PPP3R1: variants seen among roughly 807,000 people sequenced by gnomAD.
PPP3R1 encodes the protein protein phosphatase 3 regulatory subunit B, alpha.
Under a neutral mutation model 22.6 loss-of-function variants are expected in PPP3R1, and 5 were observed. The ratio of observed to expected loss-of-function variants is 0.22; its 90% CI spans 0.12 to 0.46. The LOEUF (loss-of-function observed/expected upper bound fraction) is 0.46, where lower values mean the gene tolerates loss of function less well. PPP3R1 is among the 20% of genes least tolerant of loss of function. The probability of loss-of-function intolerance (pLI) is 0.99; values close to 1 mark genes in which losing one functional copy is unlikely to be tolerated. For missense variants in PPP3R1, 61 were observed against 203.2 expected, an observed-to-expected ratio of 0.30 and a Z score of 4.25; for synonymous variants, 56 against 65.2, an observed-to-expected ratio of 0.86 and a Z score of 0.68.
intron 1 of PPP3R1, among the ~76,000 whole-genome samples, chr2:68,240,526 A>C (rs1171098679): frequency 6.6e-6 from 1 of 152,232 alleles, no homozygotes; most frequent in Non-Finnish European, 1.5e-5. Flanking sequence ...AAAACTAATC[A>C]ATTATGTGCT....
chr2:68,193,823 A>G (rs1210703734), intron 2 of PPP3R1, among the ~76,000 whole-genome samples: 2 of 152,130 alleles, frequency 1.3e-5, no homozygotes, highest in African/African-American at 2.4e-5. Context: ...TAGTTTCAGT[A>G]TATTTATAGA....
chr2:68,198,089 A>AAG (rs1674834882), intron 2 of PPP3R1, among the ~76,000 whole-genome samples: 1 of 130,322 alleles, frequency 7.7e-6, no homozygotes, highest in Non-Finnish European at 1.6e-5. Flanking sequence ...AAAAAAAAAA[A>AAG]GCATATATAT....
chr2:68,209,658 T>A (rs1310434639), intron 2 of PPP3R1, among the ~76,000 whole-genome samples: 3 of 151,946 alleles, frequency 2.0e-5, no homozygotes, highest in African/African-American at 2.4e-5. Flanking sequence ...CTCCAGAGGC[T>A]GAGGTAGGAG....
intron 2 of PPP3R1, among the ~76,000 whole-genome samples, chr2:68,195,948 C>G (rs749184981): frequency 2.0e-5 from 3 of 151,540 alleles, no homozygotes; most frequent in Admixed American, 6.6e-5. Context: ...AAGGCTTATC[C>G]CAACTATACG....
intron 1 of PPP3R1, among the ~76,000 whole-genome samples, chr2:68,231,693 A>G (rs1033822735): frequency 6.6e-6 from 1 of 152,204 alleles, no homozygotes; most frequent in African/African-American, 2.4e-5. Flanking sequence ...GATATTCTTA[A>G]GCAAAAGTGG....
At chr2:68,249,331 C>A (rs1170602474) in intron 1 of PPP3R1, among the ~76,000 whole-genome samples, 1 of 151,588 alleles carries the variant, frequency 6.6e-6, no homozygotes, top group Non-Finnish European at 1.5e-5. Context: ...GCCTTTGCCA[C>A]AGAATCTGAA....
intron 1 of PPP3R1, among the ~76,000 whole-genome samples, chr2:68,241,244 G>C (rs928193810): frequency 6.6e-6 from 1 of 151,600 alleles, no homozygotes; most frequent in African/African-American, 2.4e-5. Flanking sequence ...TGGATTACTT[G>C]CAATATCTAA....
chr2:68,252,001 G>T, intron 1 of PPP3R1, 124 bp downstream of exon 1: 1 of 1,014,038 alleles, frequency 9.9e-7, no homozygotes. Flanking sequence ...GACCCGCCGG[G>T]CCCGGGTCTC....
At chr2:68,185,834 C>T (rs1200762274) in intron 5 of PPP3R1, among the ~76,000 whole-genome samples, 1 of 152,180 alleles carries the variant, frequency 6.6e-6, no homozygotes, top group Non-Finnish European at 1.5e-5. Context: ...CAGTGCCACC[C>T]CACTTTTTGA....
In PPP3R1 at chr2:68,252,214, C is replaced by A; in HGVS notation, c.-87G>T. The stretch of plus-strand genomic sequence containing the variant: ...GGCTCGCAGGAAACGGCGGCGGCGG[C>A]CCAGCTGCGGCCCTCGGGTCGCCGG... On this transcript the variant is annotated 5_prime_UTR_variant, in exon 1 of 6. Transcript: ENST00000234310. 2 of 1,215,882 alleles carry A rather than the reference C, an allele frequency of 1.6e-6. No individual in the cohort carries two copies. The highest frequency in any genetic ancestry group is 2.1e-6 in the Non-Finnish European group (2 of 952,082). The allele number at this position is 1,215,882 out of a possible 1,614,324, so 75.3% of individuals were successfully genotyped here.
At chr2:68,243,768 G>A (rs1009847711) in intron 1 of PPP3R1, among the ~76,000 whole-genome samples, 1 of 151,952 alleles carries the variant, frequency 6.6e-6, no homozygotes, top group Admixed American at 6.6e-5. Flanking sequence ...TAAAACTTTG[G>A]ACTAAAACTG....
chr2:68,230,437 A>G (rs770053242), intron 1 of PPP3R1, among the ~76,000 whole-genome samples: 10 of 152,122 alleles, frequency 6.6e-5, no homozygotes, highest in Admixed American at 2.0e-4. Context: ...ACTTTTCACA[A>G]TCTCATTGGT....
At chr2:68,222,757 T>C (rs771512124) in intron 1 of PPP3R1, among the ~76,000 whole-genome samples, 70 of 152,150 alleles carry the variant, frequency 4.6e-4, no homozygotes, top group Non-Finnish European at 8.5e-4. Flanking sequence ...AATAAATCTC[T>C]TTCTAGACAT....
chr2:68,231,584 T>C (rs1669899081), intron 1 of PPP3R1, among the ~76,000 whole-genome samples: 1 of 152,240 alleles, frequency 6.6e-6, no homozygotes, highest in Non-Finnish European at 1.5e-5. Context: ...CAATTTCACA[T>C]GTACAAGTAG....
intron 2 of PPP3R1, among the ~76,000 whole-genome samples, chr2:68,198,284 TGTGTATACACATGTATAC>T (rs1674854010): frequency 1.4e-5 from 2 of 146,486 alleles, no homozygotes; most frequent in Admixed American, 6.8e-5. Flanking sequence ...TATGCATGTA[TGTGTATACACATGTATAC>T]ATGTATACAT....
intron 2 of PPP3R1, among the ~76,000 whole-genome samples, chr2:68,202,557 T>C (rs924859856): frequency 1.1e-4 from 17 of 152,084 alleles, no homozygotes; most frequent in African/African-American, 4.1e-4. Flanking sequence ...TCCAAGTAGC[T>C]GGGATTACGG....
intron 2 of PPP3R1, among the ~76,000 whole-genome samples, chr2:68,203,756 C>G (rs146018107): frequency 4.5e-4 from 68 of 152,314 alleles, no homozygotes; most frequent in Admixed American, 1.6e-3. Flanking sequence ...TAAACTTTCA[C>G]ATCACCTGTA....
Position 68,251,771 on chromosome 2 carries a change from G to A in PPP3R1, c.3+354C>T, listed in dbSNP as rs543587113. Among the ~76,000 whole-genome samples, 473 of 151,852 alleles carry A rather than the reference G, an allele frequency of 3.1e-3. 3 individuals carry two copies. The highest frequency in any genetic ancestry group is 0.011 in the African/African-American group (448 of 41,476). ...GGGGAGGGGGGTGCTCCACGTGGAG[G>A]AGGGTCGCGAGAAGGAGAGTGCGCC... On this transcript the variant is annotated intron_variant, in intron 1 of 5. Transcript: ENST00000234310.
At chr2:68,229,859 T>G (rs1027002281) in intron 1 of PPP3R1, among the ~76,000 whole-genome samples, 5 of 150,354 alleles carry the variant, frequency 3.3e-5, no homozygotes, top group Admixed American at 6.6e-5. Flanking sequence ...GTTTAATTGG[T>G]GTGTGTGTGT....
Sources: allele counts gnomAD v4.1 joint callset (sites outside exome capture counted in the v4.1 genomes callset), GRCh38; gene constraint gnomAD v4.1.1; transcripts MANE v1.5; gene names NCBI Gene and HGNC (gene_info 2026-07-23, HGNC 2026-07-21).